WDR59: variants seen among roughly 807,000 people sequenced by gnomAD.
WDR59 encodes the protein GATOR2 complex protein WDR59.
Under a neutral mutation model 131.2 loss-of-function variants are expected in WDR59, and 100 were observed. That is an observed-to-expected ratio of 0.76 (90% confidence interval 0.65 to 0.90). The LOEUF is 0.90. Ranked by LOEUF, WDR59 falls within the 40% of genes least tolerant of loss-of-function variation. The pLI, the probability that WDR59 is intolerant of heterozygous loss-of-function variation, is 0.00. For synonymous variants in WDR59, 601 were observed against 466.2 expected (o/e 1.29, Z -3.72); for missense variants, 1,203 against 1,262.2 (o/e 0.95, Z 0.71).
intron 7 of WDR59, among the ~76,000 whole-genome samples, chr16:74,939,239 C>T (rs2032038787): frequency 6.6e-6 from 1 of 152,030 alleles, no homozygotes; most frequent in Non-Finnish European, 1.5e-5. Flanking sequence ...CTTTTCCCAG[C>T]CCAAAATTTT....
chr16:74,912,314 G>C lies in WDR59; in HGVS notation c.1273C>G (p.His425Asp). Residue 425 changes from histidine (H) to aspartate (D), a missense_variant, in exon 14 of 26, where the codon CAT (histidine) becomes GAT (aspartate). By Grantham distance (81) the His-to-Asp change is moderately conservative. Coordinates refer to ENST00000262144, the MANE Select transcript of WDR59 (RefSeq NM_030581.4). ...SCTVSVHCSNHRVKMLVKFPA... is the reference protein window; with the variant it reads ...SCTVSVHCSNDRVKMLVKFPA... ...AACTTCACCAGCATCTTGACACGAT[G>C]GTTGCTGCAGTGCACAGACACTGTG... 1 of 1,614,102 alleles carries C rather than the reference G, an allele frequency of 6.2e-7. No individual in the cohort carries two copies. Among genetic ancestry groups the C allele is most frequent in the African/African-American group, 1.3e-5 (1 of 75,038 alleles).
At position 74,888,286 on chromosome 16, in the gene WDR59, C is replaced by T; in HGVS notation, c.2229G>A (p.Gln743=). The change falls in exon 22 of 26, where the codon CAG becomes CAA. Residue 743 remains glutamine (Q), a synonymous_variant. Coordinates refer to ENST00000262144, the MANE Select transcript of WDR59 (RefSeq NM_030581.4). ...LAHYCRLRDV[Q]TLAMLCSVFE... ...ACACGCTACAGAGCATCGCCAGTGT[C>T]TGAACATCCCGGAGCCGGCAATAGT... 1.9e-6 allele frequency: 3 copies of T among 1,613,920 alleles called. No individual in the cohort carries two copies. The highest frequency in any genetic ancestry group is 2.5e-6 in the Non-Finnish European group (3 of 1,179,910).
At position 74,908,947 on chromosome 16, in the gene WDR59, G is replaced by A; in HGVS notation, c.1673C>T (p.Thr558Ile). Residue 558 changes from threonine (T) to isoleucine (I), a missense_variant, in exon 17 of 26, where the codon ACA (threonine) becomes ATA (isoleucine). Coordinates refer to ENST00000262144, the MANE Select transcript of WDR59 (RefSeq NM_030581.4). ...TGTGGGAGACACCGCCCGATGCATT[G>A]TCATGGGCCTTGTGAAATATACCAG... ...GYLVYFTRPM[T>I]MHRAVSPTEP... 6.2e-7 allele frequency: 1 copy of A among 1,614,154 alleles called. No individual in the cohort carries two copies. The highest frequency in any genetic ancestry group is 8.5e-7 in the Non-Finnish European group (1 of 1,180,020).
intron 13 of WDR59, among the ~76,000 whole-genome samples, chr16:74,914,955 A>C (rs1966290166): frequency 6.6e-6 from 1 of 152,206 alleles, no homozygotes; most frequent in Non-Finnish European, 1.5e-5. Context: ...GGTAAAGGAA[A>C]AACTAATCAA....
At position 74,872,364 on chromosome 16, in the gene WDR59, C is replaced by G. The variant is rs907267789; in HGVS notation, c.*1845G>C. On this transcript the variant is annotated 3_prime_UTR_variant, in exon 26 of 26. Transcript: ENST00000262144. ...TCAGTAGAAATAATAAAAAAGATTTCTTTTCACTGGCACATACAAAATGTG... is the reference window on the plus strand; with the variant it reads ...TCAGTAGAAATAATAAAAAAGATTTGTTTTCACTGGCACATACAAAATGTG... 2.0e-5 allele frequency: 3 copies of G among 152,086 alleles called. No homozygotes were observed. Among genetic ancestry groups the G allele is most frequent in the Non-Finnish European group, 4.4e-5 (3 of 68,012 alleles). The allele number at this position is 152,086 out of a possible 1,614,324, so 9.4% of individuals were successfully genotyped here. A position where few individuals can be genotyped will look rare whatever the true frequency, so the allele number is the denominator to read the frequency against.
intron 1 of WDR59, among the ~76,000 whole-genome samples, chr16:74,969,787 T>C (rs2033911261): frequency 6.6e-6 from 1 of 152,066 alleles, no homozygotes; most frequent in Non-Finnish European, 1.5e-5. Flanking sequence ...CTTGAACTCC[T>C]GACCTAAGGT....
At chr16:74,893,634 C>T in intron 19 of WDR59, 45 bp downstream of exon 19, 1 of 1,547,088 alleles carries the variant, frequency 6.5e-7, no homozygotes, top group Admixed American at 1.9e-5. Flanking sequence ...TTTTGCTAAT[C>T]CTGGCTAAAT....
At chr16:74,933,414 G>A (rs910077781) in intron 8 of WDR59, among the ~76,000 whole-genome samples, 2 of 152,184 alleles carry the variant, frequency 1.3e-5, no homozygotes, top group African/African-American at 4.8e-5. Flanking sequence ...CACCTAGAGA[G>A]CAGAGATTCA....
In WDR59 at chr16:74,876,557, T is replaced by TTCTCTACA. The variant is rs1332518393; in HGVS notation, c.2690-2121_2690-2114dup. On this transcript the variant is annotated intron_variant, in intron 25 of 25. Transcript: ENST00000262144. Reference sequence around the variant, plus strand: ...CTCACAGTATCATTAATAATTGTGTTTCTCTACAGTGAATCGGATTAAATA... The same window carrying TTCTCTACA: ...CTCACAGTATCATTAATAATTGTGTTTCTCTACATCTCTACAGTGAATCGGATTAAATA... Among the ~76,000 whole-genome samples, 7 of 152,308 alleles carry TTCTCTACA rather than the reference T, an allele frequency of 4.6e-5. No homozygotes were observed. In the South Asian group the frequency reaches 6.2e-4, roughly 14 times the overall value.
At chr16:74,918,743 T>C (rs926126853) in intron 10 of WDR59, among the ~76,000 whole-genome samples, 7 of 152,212 alleles carry the variant, frequency 4.6e-5, no homozygotes, top group Admixed American at 3.3e-4. Context: ...GCAAAGATTT[T>C]AGAAATAATT....
intron 7 of WDR59, among the ~76,000 whole-genome samples, chr16:74,939,966 C>A (rs958802594): frequency 2.6e-5 from 4 of 152,140 alleles, no homozygotes; most frequent in African/African-American, 7.2e-5. Flanking sequence ...ACCTGGGAGA[C>A]AGAGGGAGAC....
chr16:74,933,105 C>T (rs192650300), intron 8 of WDR59, among the ~76,000 whole-genome samples: 35 of 152,124 alleles, frequency 2.3e-4, no homozygotes, highest in East Asian at 3.9e-4. Context: ...AATTAAAATG[C>T]CAGCCTGGGC....
At position 74,874,194 on chromosome 16, in the gene WDR59, C is replaced by G. The variant is rs777929748; in HGVS notation, c.*15G>C. 20 of 1,606,308 alleles carry G rather than the reference C, an allele frequency of 1.2e-5. No homozygotes were observed. Among genetic ancestry groups the G allele is most frequent in the Admixed American group, 3.4e-5 (2 of 59,548 alleles). Reference sequence around the variant, plus strand: ...GGTCCTCTGGGATTTCAGACAATACCCAACTTCTGTAGGTTCAGAAAGTGC... The same window carrying G: ...GGTCCTCTGGGATTTCAGACAATACGCAACTTCTGTAGGTTCAGAAAGTGC... On this transcript the variant is annotated 3_prime_UTR_variant, in exon 26 of 26. Transcript: ENST00000262144.
At chr16:74,944,255 C>T (rs560553358) in intron 6 of WDR59, among the ~76,000 whole-genome samples, 1 of 152,160 alleles carries the variant, frequency 6.6e-6, no homozygotes, top group East Asian at 1.9e-4. Context: ...TACCTGAGGT[C>T]AGCAGTTCAA....
chr16:74,923,193 T>C (rs748063749), intron 9 of WDR59, among the ~76,000 whole-genome samples: 7 of 152,202 alleles, frequency 4.6e-5, no homozygotes, highest in African/African-American at 7.2e-5. Flanking sequence ...ATTCATATTC[T>C]ACAGTAAAGG....
rs938253988 is a variant in WDR59 at position 74,970,942 on chromosome 16, T to G, written c.55-5120A>C. On this transcript the variant is annotated intron_variant, in intron 1 of 25. Coordinates refer to ENST00000262144, the MANE Select transcript of WDR59 (RefSeq NM_030581.4). The stretch of plus-strand genomic sequence containing the variant: ...TGTATGCACTTGTACTCCCAGCTAC[T>G]TGGGGGGCTGAGGGGAGGATAACTT... 8.6e-5 allele frequency among the ~76,000 whole-genome samples: 13 copies of G among 151,562 alleles called. No homozygotes were observed. The East Asian group carries it at 2.3e-3, about 27-fold the overall frequency.
chr16:74,970,716 T>G (rs2033949824), intron 1 of WDR59, among the ~76,000 whole-genome samples: 1 of 151,954 alleles, frequency 6.6e-6, no homozygotes. Flanking sequence ...ACCCAGCAAG[T>G]TGCTTTGTAC....
Position 74,912,331 on chromosome 16 carries a change from G to A in WDR59, c.1256C>T (p.Ser419Phe), listed in dbSNP as rs1966139053. Residue 419 changes from serine (S) to phenylalanine (F), a missense_variant, in exon 14 of 26, where the codon TCT becomes TTT. Coordinates refer to ENST00000262144, the MANE Select transcript of WDR59 (RefSeq NM_030581.4). ...GACACGATGGTTGCTGCAGTGCACA[G>A]ACACTGTGCAGCTCCTGTCTGCCGC... ...MDAADRSCTV[S>F]VHCSNHRVKM... 6.2e-7 allele frequency: 1 copy of A among 1,614,032 alleles called. No homozygotes were observed. Among genetic ancestry groups the A allele is most frequent in the South Asian group, 1.1e-5 (1 of 91,070 alleles).
chr16:74,884,172 C>T (rs758636699), intron 25 of WDR59, among the ~76,000 whole-genome samples: 7 of 152,178 alleles, frequency 4.6e-5, no homozygotes, highest in Non-Finnish European at 8.8e-5. Flanking sequence ...ACCCTCAGAC[C>T]GGGCTGTCTG....
Sources: gnomAD v4.1 joint callset for allele counts (sites outside exome capture counted in the v4.1 genomes callset) on GRCh38, gnomAD v4.1.1 for gene constraint, MANE v1.5 for transcripts, NCBI Gene and HGNC (gene_info 2026-07-23, HGNC 2026-07-21) for gene names.